The following STAP2 variants were observed in gnomAD, a reference collection of about 807,000 sequenced individuals.
The protein encoded by STAP2 is signal transducing adaptor family member 2, also known as signal-transducing adaptor protein 2.
STAP2 carries 58 observed loss-of-function variants against 52.7 expected under a neutral mutation model. The observed-to-expected ratio is 1.10, with a 90% CI of 0.89 to 1.37. STAP2 has a LOEUF of 1.37. STAP2 is among the 40% of genes most tolerant of loss of function. The probability of loss-of-function intolerance (pLI) is 0.00; values close to 1 mark genes in which losing one functional copy is unlikely to be tolerated. For missense variants in STAP2, 522 were observed against 519.4 expected, an observed-to-expected ratio of 1.00 and a Z score of -0.05; for synonymous variants, 231 against 210.5, an observed-to-expected ratio of 1.10 and a Z score of -0.84.
intron 12 of STAP2, 24 bp from the exon 13 acceptor site, chr19:4,324,221 G>A (rs1471754836): frequency 6.5e-7 from 1 of 1,549,574 alleles, no homozygotes; most frequent in Admixed American, 2.0e-5. Flanking sequence ...ACCAGGAGCT[G>A]CAGCTGGCTC....
At chr19:4,332,364 C>T (rs1971907832) in intron 3 of STAP2, among the ~76,000 whole-genome samples, 2 of 151,146 alleles carry the variant, frequency 1.3e-5, no homozygotes, top group African/African-American at 2.4e-5. Flanking sequence ...TGCACCACCT[C>T]GCCCAGCTTT....
In STAP2 at chr19:4,327,232, G is replaced by C. The variant is rs373836602; in HGVS notation, c.661-6C>G. The stretch of plus-strand genomic sequence containing the variant: ...TCCAGGGAGGTGCAAGAGAACTGGG[G>C]GCAGATGGGGGAGCGGTCAGGCTGC... On this transcript the variant is annotated splice_polypyrimidine_tract_variant and splice_region_variant and intron_variant, in intron 7 of 12. Transcript: ENST00000594605. 1.7e-4 allele frequency: 271 copies of C among 1,613,930 alleles called. No individual in the cohort carries two copies. Among genetic ancestry groups the C allele is most frequent in the Non-Finnish European group, 2.2e-4 (256 of 1,180,020 alleles).
chr19:4,325,355 TC>T (rs1299242593), intron 10 of STAP2, 40 bp downstream of exon 10: 3 of 1,614,138 alleles, frequency 1.9e-6, no homozygotes, highest in Non-Finnish European at 2.5e-6. Context: ...TTAACCTGTT[TC>T]CCCAACCCCC....
At chr19:4,338,571 A>C (rs1972017021) in intron 1 of STAP2, 81 bp downstream of exon 1, 154 of 361,610 alleles carry the variant, frequency 4.3e-4, no homozygotes, top group Non-Finnish European at 7.1e-4. Context: ...CCCCTTGGCG[A>C]GTGGGGAGAC....
intron 1 of STAP2, 78 bp downstream of exon 1, chr19:4,338,574 G>A: frequency 1.1e-6 from 1 of 928,204 alleles, no homozygotes; most frequent in Non-Finnish European, 1.5e-6. Context: ...CTTGGCGAGT[G>A]GGGAGACAGG....
Position 4,334,018 on chromosome 19 carries a change from C to T in STAP2, c.129G>A (p.Leu43=), listed in dbSNP as rs368068936. Residue 43 remains leucine, a synonymous_variant, in exon 2 of 13, where the codon CTG becomes CTA. Coordinates refer to ENST00000594605, the MANE Select transcript of STAP2 (RefSeq NM_001013841.2). ...TGTAGAAATAAATGGTGAGACCCTG[C>T]AGGCCTGCCCAGAACTTCTTGTAAT... ...DRDYKKFWAG[L]QGLTIYFYNS... 20 of 1,612,302 alleles carry T rather than the reference C, an allele frequency of 1.2e-5. No homozygotes were observed. Among genetic ancestry groups the T allele is most frequent in the Non-Finnish European group, 1.7e-5 (20 of 1,179,424 alleles).
intron 2 of STAP2, 44 bp from the exon 3 acceptor site, chr19:4,333,860 C>T (rs1442789642): frequency 6.2e-7 from 1 of 1,613,200 alleles, no homozygotes; most frequent in Non-Finnish European, 8.5e-7. Context: ...GTTCCTTGGC[C>T]TCCAGGCCCC....
chr19:4,330,669 G>A (rs1260233762), intron 4 of STAP2, among the ~76,000 whole-genome samples: 1 of 151,608 alleles, frequency 6.6e-6, no homozygotes, highest in East Asian at 1.9e-4. Flanking sequence ...GGGAAATCAG[G>A]AAGGTAGACT....
At chr19:4,329,163 C>G (rs938380274) in intron 5 of STAP2, among the ~76,000 whole-genome samples, 1 of 152,042 alleles carries the variant, frequency 6.6e-6, no homozygotes, top group African/African-American at 2.4e-5. Flanking sequence ...CGGGATTTCT[C>G]CATGTTGGTC....
In STAP2 at chr19:4,327,182, C is replaced by T; in HGVS notation, c.705G>A (p.Ser235=). The change falls in exon 8 of 13, where the codon TCG becomes TCA. Residue 235 remains serine (S), a synonymous_variant. Coordinates refer to ENST00000594605, the MANE Select transcript of STAP2 (RefSeq NM_001013841.2). ...ATGGCACCAGCGCCTTTTTGGTATG[C>T]GACACGAAATAGTTGACCACGGCGT... ...SLDAVVNYFV[S]HTKKALVPFL... is the part of the protein sequence containing the mutation. 1 of 1,614,112 alleles carries T rather than the reference C, an allele frequency of 6.2e-7. No individual in the cohort carries two copies. Among genetic ancestry groups the T allele is most frequent in the Non-Finnish European group, 8.5e-7 (1 of 1,180,020 alleles).
Position 4,326,985 on chromosome 19 carries a change from C to A in STAP2, c.786G>T (p.Glu262Asp). 1 of 1,554,580 alleles carries A rather than the reference C, an allele frequency of 6.4e-7. No individual in the cohort carries two copies. The highest frequency in any genetic ancestry group is 8.7e-7 in the Non-Finnish European group (1 of 1,148,226). Residue 262 changes from glutamate to aspartate, a missense_variant, in exon 9 of 13, where the codon GAG becomes GAT. Transcript: ENST00000594605. ...KVLGYVEADKENGENVWVAPS... is the reference protein window; with the variant it reads ...KVLGYVEADKDNGENVWVAPS... ...GCGCCACCCACACATTCTCGCCATTCTCCTTATCGGCTTCCACGTAGCCTG... is the reference window on the plus strand; with the variant it reads ...GCGCCACCCACACATTCTCGCCATTATCCTTATCGGCTTCCACGTAGCCTG...
At chr19:4,325,658 G>T (rs1336329291) in intron 9 of STAP2, 113 bp from the exon 10 acceptor site, 6 of 1,282,778 alleles carry the variant, frequency 4.7e-6, no homozygotes, top group African/African-American at 1.5e-5. Flanking sequence ...CTGTGTGTCT[G>T]TGTGTGTGCC....
At chr19:4,330,243 G>A (rs956505032) in intron 4 of STAP2, among the ~76,000 whole-genome samples, 182 bp from the exon 5 acceptor site, 16 of 152,184 alleles carry the variant, frequency 1.1e-4, no homozygotes, top group East Asian at 9.7e-4. Context: ...TGCTGGGGCC[G>A]GGCGCGGTGG....
chr19:4,330,711 A>ATTTTTTTT (rs1210010568), intron 4 of STAP2, among the ~76,000 whole-genome samples: 1 of 117,172 alleles, frequency 8.5e-6, no homozygotes, highest in East Asian at 2.3e-4. Context: ...ATGTCAGCTA[A>ATTTTTTTT]TTTTTTTTTT....
chr19:4,328,630 T>TGCCCCCC, intron 6 of STAP2, 45 bp downstream of exon 6: 1 of 1,541,496 alleles, frequency 6.5e-7, no homozygotes, highest in Non-Finnish European at 8.8e-7. Context: ...CCCACCCTCT[T>TGCCCCCC]CCCACCCTCC....
At chr19:4,335,227 C>T (rs1374358082) in intron 1 of STAP2, among the ~76,000 whole-genome samples, 3 of 151,834 alleles carry the variant, frequency 2.0e-5, no homozygotes, top group Admixed American at 1.3e-4. Flanking sequence ...CCTCCATCAT[C>T]CATCCACCTA....
intron 1 of STAP2, among the ~76,000 whole-genome samples, chr19:4,336,075 C>T (rs888134321): frequency 6.6e-6 from 1 of 152,024 alleles, no homozygotes; most frequent in East Asian, 1.9e-4. Context: ...TGCAGTGGTG[C>T]GATCTCGGCT....
intron 5 of STAP2, 41 bp downstream of exon 5, chr19:4,329,920 G>A (rs375345766): frequency 7.1e-6 from 10 of 1,403,900 alleles, no homozygotes; most frequent in Non-Finnish European, 9.6e-6. Flanking sequence ...ACCACCTCCC[G>A]TCCCCATCCT....
intron 4 of STAP2, among the ~76,000 whole-genome samples, chr19:4,331,034 A>G (rs1971882118): frequency 6.6e-6 from 1 of 151,842 alleles, no homozygotes; most frequent in South Asian, 2.1e-4. Context: ...ATTTTTAAAA[A>G]CTTAGCACTC....
Sources: allele counts gnomAD v4.1 joint callset (sites outside exome capture counted in the v4.1 genomes callset), GRCh38; gene constraint gnomAD v4.1.1; transcripts MANE v1.5; gene names NCBI Gene and HGNC (gene_info 2026-07-23, HGNC 2026-07-21).